The following CELF2 variants were observed in gnomAD, a reference collection of about 807,000 sequenced individuals.
The protein encoded by CELF2 is CUGBP Elav-like family member 2.
A neutral mutation model predicts 62.6 loss-of-function variants in CELF2; 8 were observed. The observed-to-expected ratio is 0.13, with a 90% CI of 0.07 to 0.23. The LOEUF (loss-of-function observed/expected upper bound fraction) is 0.23, where lower values mean the gene tolerates loss of function less well. Among genes scored for constraint, CELF2 ranks in the 10% least tolerant of loss-of-function variants. CELF2 has a pLI of 1.00. For missense variants in CELF2, 333 were observed against 671.0 expected (o/e 0.50, Z 5.56); for synonymous variants, 258 against 250.0 (o/e 1.03, Z -0.30).
intron 1 of CELF2, among the ~76,000 whole-genome samples, chr10:10,874,026 T>C (rs888740286): frequency 1.1e-4 from 16 of 152,200 alleles, no homozygotes; most frequent in African/African-American, 3.9e-4. Flanking sequence ...TTAAAATGAT[T>C]CTGGCCAGGT....
At chr10:11,284,502 G>GTGGATGAGGGATGAGTGGGTGGTGGGT (rs371512630) in intron 8 of CELF2, among the ~76,000 whole-genome samples, 1 of 38,126 alleles carries the variant, frequency 2.6e-5, no homozygotes, top group African/African-American at 1.3e-4. Context: ...TGTGTGGTGG[G>GTGGATGAGGGATGAGTGGGTGGTGGGT]GGATGAGGGA....
the CELF2 span, among the ~76,000 whole-genome samples, chr10:10,610,908 T>A: frequency 6.6e-6 from 1 of 152,260 alleles, no homozygotes; most frequent in Non-Finnish European, 1.5e-5. Context: ...ACTTTGCAAA[T>A]CATTATTGTC....
At chr10:11,138,134 G>A (rs1296230333) in intron 1 of CELF2, among the ~76,000 whole-genome samples, 1 of 152,088 alleles carries the variant, frequency 6.6e-6, no homozygotes, top group African/African-American at 2.4e-5. Flanking sequence ...AACAAAATTA[G>A]CACAATGTGA....
chr10:10,966,354 G>T (rs925547813), intron 2 of CELF2, among the ~76,000 whole-genome samples: 1 of 152,186 alleles, frequency 6.6e-6, no homozygotes, highest in Non-Finnish European at 1.5e-5. Context: ...AGAGCTCGGG[G>T]ATAGCTGTGT....
In CELF2 at chr10:11,227,556, A is replaced by G. The variant is rs2067049084; in HGVS notation, c.354+10049A>G. 6.6e-6 allele frequency among the ~76,000 whole-genome samples: 1 copy of G among 152,230 alleles called. No homozygotes were observed. Among genetic ancestry groups the G allele is most frequent in the South Asian group, 2.1e-4 (1 of 4,826 alleles). On this transcript the variant is annotated intron_variant, in intron 3 of 12. Transcript: ENST00000633077. The surrounding 1 kb of genome is among the most constrained non-coding windows in gnomAD (Gnocchi z 4.8). ...GAGCACTGGCTGCGATATTAGGGCC[A>G]GTTCTGGGTTGGCTCTGTCTAGCCA...
At chr10:10,481,631 G>T in the CELF2 span, among the ~76,000 whole-genome samples, 1 of 152,176 alleles carries the variant, frequency 6.6e-6, no homozygotes, top group African/African-American at 2.4e-5. Flanking sequence ...CTGGCCATTT[G>T]AATGACATAT....
chr10:11,095,852 G>A (rs1396640813), intron 1 of CELF2, among the ~76,000 whole-genome samples: 1 of 152,034 alleles, frequency 6.6e-6, no homozygotes, highest in African/African-American at 2.4e-5. Context: ...AACCATTTGT[G>A]AAACTCCCTT....
chr10:10,817,693 G>A (rs758493483), intron 1 of CELF2, among the ~76,000 whole-genome samples: 22 of 152,066 alleles, frequency 1.4e-4, no homozygotes, highest in African/African-American at 3.6e-4. Context: ...TTGTGTATAC[G>A]TACCACATTT....
chr10:10,676,332 G>T, the CELF2 span, among the ~76,000 whole-genome samples: 2 of 152,134 alleles, frequency 1.3e-5, no homozygotes, highest in Non-Finnish European at 2.9e-5. Flanking sequence ...GGGTAGAGTT[G>T]AACTTTTTCC....
In CELF2 at chr10:11,332,003, A is replaced by AAAAC. The variant is rs1220431520; in HGVS notation, c.*2952_*2955dup. ...TTGTTCTTTGGTTAAGATCCAAAAG[A>AAAAC]AAACAGAAAACAATTCCACGAGGCC... On this transcript the variant is annotated 3_prime_UTR_variant, in exon 13 of 13. Transcript: ENST00000633077. 5 of 152,106 alleles carry AAAAC rather than the reference A, an allele frequency of 3.3e-5. No homozygotes were observed. Among genetic ancestry groups the AAAAC allele is most frequent in the Admixed American group, 3.3e-4 (5 of 15,270 alleles). 9.4% of individuals were successfully genotyped at this position (152,106 alleles called of 1,614,324 possible). A position where few individuals can be genotyped will look rare whatever the true frequency, so the allele number is the denominator to read the frequency against.
rs1403697464 is a variant in CELF2, at chr10:11,285,834, T to G, written c.842-2584T>G. ...CACCTACTATATATATTGGTGTGTG[T>G]GTGTGTGTGTGTGTGTGTGTGTGTG... is the stretch of plus-strand genomic sequence containing the variant. On this transcript the variant is annotated intron_variant, in intron 8 of 12. Transcript: ENST00000633077. The surrounding 1 kb of genome is among the most constrained non-coding windows in gnomAD (Gnocchi z 4.3). Among the ~76,000 whole-genome samples, 5 of 20,190 alleles carry G rather than the reference T, an allele frequency of 2.5e-4. No homozygotes were observed. Among genetic ancestry groups the G allele is most frequent in the African/African-American group, 8.3e-4 (5 of 6,042 alleles). 13.2% of individuals were successfully genotyped at this position (20,190 alleles called of 152,430 possible). A position where few individuals can be genotyped will look rare whatever the true frequency, so the allele number is the denominator to read the frequency against.
the CELF2 span, among the ~76,000 whole-genome samples, chr10:10,506,643 T>C: frequency 6.9e-6 from 1 of 145,550 alleles, no homozygotes; most frequent in African/African-American, 2.5e-5. Context: ...GCAGCTACTA[T>C]CTACCACAGT....
chr10:10,666,851 G>T, the CELF2 span, among the ~76,000 whole-genome samples: 13 of 123,898 alleles, frequency 1.0e-4, 3 homozygotes, highest in East Asian at 2.9e-3. Context: ...GACAGAGCGA[G>T]ACTCCGTCTC....
chr10:11,283,771 G>A (rs1387343376), intron 8 of CELF2, among the ~76,000 whole-genome samples: 2 of 151,914 alleles, frequency 1.3e-5, no homozygotes, highest in African/African-American at 2.4e-5. Context: ...ATTAATCAGT[G>A]CCAGATCATA....
chr10:10,480,536 CAG>C, the CELF2 span, among the ~76,000 whole-genome samples: 496 of 152,272 alleles, frequency 3.3e-3, 2 homozygotes, highest in Non-Finnish European at 5.2e-3. Context: ...AGTAGAATCA[CAG>C]GGGGTACACA....
At position 11,328,946 on chromosome 10, in the gene CELF2, C is replaced by T. The variant is rs200459905; in HGVS notation, c.1459C>T (p.Pro487Ser). Residue 487 changes from proline to serine, a missense_variant, in exon 13 of 13, where the codon CCA (proline) becomes TCA (serine). Coordinates refer to ENST00000633077, the MANE Select transcript of CELF2 (RefSeq NM_001326342.2). This position sits in a 1 kb window ranked among gnomAD's most constrained non-coding sequence, Gnocchi z 6.4. ...TCCAGGTTTTGTTAGCTACGACAAT[C>T]CAGTCTCTGCACAAGCTGCTATCCA... is the stretch of plus-strand genomic sequence containing the variant. ...KCFGFVSYDN[P>S]VSAQAAIQAM... 1 of 1,612,356 alleles carries T rather than the reference C, an allele frequency of 6.2e-7. No individual in the cohort carries two copies. Among genetic ancestry groups the T allele is most frequent in the Non-Finnish European group, 8.5e-7 (1 of 1,178,740 alleles).
chr10:11,041,286 G>A (rs907834822), intron 1 of CELF2, among the ~76,000 whole-genome samples: 1 of 152,116 alleles, frequency 6.6e-6, no homozygotes, highest in Non-Finnish European at 1.5e-5. Flanking sequence ...ATTTTAGGGG[G>A]ACACAGTCAG....
chr10:10,890,609 G>A (rs2062065430), intron 1 of CELF2, among the ~76,000 whole-genome samples: 1 of 152,238 alleles, frequency 6.6e-6, no homozygotes, highest in Non-Finnish European at 1.5e-5. Context: ...TCTCTGCCTT[G>A]AAAGGTAGCA....
intron 2 of CELF2, among the ~76,000 whole-genome samples, chr10:10,921,689 G>A (rs1224890139): frequency 6.6e-6 from 1 of 152,194 alleles, no homozygotes; most frequent in African/African-American, 2.4e-5. Flanking sequence ...CCAGGGCACA[G>A]ATGGGATCAG....
Sources: allele counts gnomAD v4.1 joint callset (sites outside exome capture counted in the v4.1 genomes callset), GRCh38; gene constraint gnomAD v4.1.1; non-coding constraint Gnocchi (gnomAD v3.1); transcripts MANE v1.5; gene names NCBI Gene and HGNC (gene_info 2026-07-23, HGNC 2026-07-21).